MARCHF1: variants seen among roughly 807,000 people sequenced by gnomAD.
The protein encoded by MARCHF1 is E3 ubiquitin-protein ligase MARCHF1.
In MARCHF1, 40 loss-of-function variants were observed where a neutral mutation model predicts 54.2. The observed-to-expected ratio is 0.74, with a 90% CI of 0.57 to 0.96. The LOEUF is 0.96. Among genes scored for constraint, MARCHF1 ranks in the 40% least tolerant of loss-of-function variants. The pLI, the probability that MARCHF1 is intolerant of heterozygous loss-of-function variation, is 0.00. For synonymous variants in MARCHF1, 236 were observed against 236.3 expected, an observed-to-expected ratio of 1.00 and a Z score of 0.01; for missense variants, 586 against 656.5, an observed-to-expected ratio of 0.89 and a Z score of 1.17.
At chr4:163,875,600 A>G (rs1750270896) in intron 3 of MARCHF1, among the ~76,000 whole-genome samples, 1 of 152,170 alleles carries the variant, frequency 6.6e-6, no homozygotes, top group Non-Finnish European at 1.5e-5. Context: ...GCTTTGCATA[A>G]AAGGTTGGAA....
chr4:163,724,503 C>T (rs1745589008), intron 4 of MARCHF1, among the ~76,000 whole-genome samples: 1 of 152,198 alleles, frequency 6.6e-6, no homozygotes, highest in African/African-American at 2.4e-5. Context: ...ATCTCAAACT[C>T]CATGCTGGGA....
chr4:163,950,285 AGTG>A (rs1752108170), intron 3 of MARCHF1, among the ~76,000 whole-genome samples: 2 of 152,336 alleles, frequency 1.3e-5, no homozygotes, highest in East Asian at 3.9e-4. Flanking sequence ...TGTGCTTATC[AGTG>A]CCCAAAGTCC....
In MARCHF1 at chr4:164,211,331, G is replaced by GTGTATATATATATATATATA. The variant is rs763172261; in HGVS notation, c.-322-99670_-322-99669insTATATATATATATATATACA. On this transcript the variant is annotated intron_variant, in intron 1 of 9. Transcript: ENST00000514618. ...AACCTGCATATGTGTATGTATGTAT[G>GTGTATATATATATATATATA]TATATATATATATATATATATATAC... is the stretch of plus-strand genomic sequence containing the variant. Among the ~76,000 whole-genome samples, 42 of 115,982 alleles carry GTGTATATATATATATATATA rather than the reference G, an allele frequency of 3.6e-4. No individual in the cohort carries two copies. The East Asian group carries it at 6.9e-3, about 19-fold the overall frequency. The allele number at this position is 115,982 out of a possible 152,430, so 76.1% of individuals were successfully genotyped here. A position where few individuals can be genotyped will look rare whatever the true frequency, so the allele number is the denominator to read the frequency against.
chr4:163,849,160 A>C (rs1476529553), intron 4 of MARCHF1, among the ~76,000 whole-genome samples: 3 of 152,170 alleles, frequency 2.0e-5, no homozygotes. Context: ...ATTGAGACTG[A>C]TTGGACTGTT....
rs1730831378 is a variant in MARCHF1, at chr4:164,181,428, T to C, written c.-322-69766A>G. Among the ~76,000 whole-genome samples the C allele has an allele frequency of 3.3e-5, 5 of 152,170 alleles. No homozygotes were observed. In the South Asian group the frequency reaches 1.0e-3, roughly 31 times the overall value. On this transcript the variant is annotated intron_variant, in intron 1 of 9. Coordinates refer to ENST00000514618, the MANE Select transcript of MARCHF1 (RefSeq NM_001394959.1). ...CTAATTTTTAGCACACACTAAGGCA[T>C]AATAAGTTATATTAACTATGTTCAA...
chr4:164,225,619 A>G (rs998221687), intron 1 of MARCHF1, among the ~76,000 whole-genome samples: 1 of 152,062 alleles, frequency 6.6e-6, no homozygotes, highest in African/African-American at 2.4e-5. Flanking sequence ...AGTTATTCAC[A>G]TTCTTGTACT....
intron 2 of MARCHF1, among the ~76,000 whole-genome samples, chr4:164,004,246 C>CATATATAT (rs70948686): frequency 0.22 from 32,886 of 149,786 alleles, 4,474 homozygotes; most frequent in South Asian, 0.34. Context: ...TGTTTACATA[C>CATATATAT]ATATATATAT....
chr4:163,699,926 T>C (rs1744752802), intron 5 of MARCHF1, among the ~76,000 whole-genome samples: 1 of 151,944 alleles, frequency 6.6e-6, no homozygotes, highest in South Asian at 2.1e-4. Context: ...CACTCTGGGG[T>C]CCTACTTAGA....
At chr4:163,938,247 A>G (rs1455419144) in intron 3 of MARCHF1, among the ~76,000 whole-genome samples, 1 of 152,204 alleles carries the variant, frequency 6.6e-6, no homozygotes, top group Non-Finnish European at 1.5e-5. Flanking sequence ...GGCCACAGAT[A>G]TTTGTGCTAA....
intron 2 of MARCHF1, among the ~76,000 whole-genome samples, chr4:164,040,421 TG>T (rs201553645): frequency 0.084 from 12,381 of 146,978 alleles, 639 homozygotes; most frequent in South Asian, 0.21. Context: ...TATATATCCT[TG>T]TATATATAAA....
chr4:163,988,316 A>G (rs1752908314), intron 3 of MARCHF1, among the ~76,000 whole-genome samples, 185 bp downstream of exon 3: 1 of 152,194 alleles, frequency 6.6e-6, no homozygotes, highest in Non-Finnish European at 1.5e-5. Context: ...CTCTTCATTC[A>G]CAAAATAGAG....
rs1554002572 is a variant in MARCHF1, at chr4:164,340,405, T to TTA, written c.-323+43463_-323+43464dup. Among the ~76,000 whole-genome samples, 235 of 95,640 alleles carry TTA rather than the reference T, an allele frequency of 2.5e-3. 14 individuals carry two copies. Among genetic ancestry groups the TTA allele is most frequent in the African/African-American group, 3.4e-3 (95 of 27,876 alleles). The allele number at this position is 95,640 out of a possible 152,430, so 62.7% of individuals were successfully genotyped here. On this transcript the variant is annotated intron_variant, in intron 1 of 9. Coordinates refer to ENST00000514618, the MANE Select transcript of MARCHF1 (RefSeq NM_001394959.1). Reference sequence around the variant, plus strand: ...ACAGCACATGCCACCAGGCCTTGATTTATATATAGATATATATATATATAT... The same window carrying TTA: ...ACAGCACATGCCACCAGGCCTTGATTTATATATATAGATATATATATATATAT...
chr4:164,193,574 G>T (rs1302769334), intron 1 of MARCHF1, among the ~76,000 whole-genome samples: 1 of 151,944 alleles, frequency 6.6e-6, no homozygotes, highest in Non-Finnish European at 1.5e-5. Context: ...TGAGTAAATG[G>T]AATACATTTC....
chr4:164,338,159 T>C (rs1226917857), intron 1 of MARCHF1, among the ~76,000 whole-genome samples: 2 of 152,190 alleles, frequency 1.3e-5, no homozygotes, highest in Non-Finnish European at 2.9e-5. Flanking sequence ...TCATATGCAA[T>C]TAAAATTCTG....
At chr4:164,368,318 A>C (rs1730938541) in intron 1 of MARCHF1, among the ~76,000 whole-genome samples, 1 of 130,934 alleles carries the variant, frequency 7.6e-6, no homozygotes, top group African/African-American at 2.6e-5. Flanking sequence ...AAAGAAAATA[A>C]TTTTCTAGAA....
chr4:164,370,746 T>C (rs1490340184), intron 1 of MARCHF1, among the ~76,000 whole-genome samples: 1 of 151,976 alleles, frequency 6.6e-6, no homozygotes, highest in Non-Finnish European at 1.5e-5. Flanking sequence ...CGATCTCTAC[T>C]AAAATACAAA....
intron 8 of MARCHF1, among the ~76,000 whole-genome samples, chr4:163,564,987 G>T (rs926429759): frequency 2.0e-5 from 3 of 151,938 alleles, no homozygotes; most frequent in South Asian, 4.2e-4. Flanking sequence ...ACTGGGCCTC[G>T]ACTCTTAAAA....
At chr4:163,950,087 C>A (rs1157325438) in intron 3 of MARCHF1, among the ~76,000 whole-genome samples, 2 of 152,162 alleles carry the variant, frequency 1.3e-5, no homozygotes, top group African/African-American at 4.8e-5. Flanking sequence ...GCCTGGCCCT[C>A]AGGGCACAGG....
At chr4:164,298,786 G>T (rs2111388285) in intron 1 of MARCHF1, among the ~76,000 whole-genome samples, 1 of 152,168 alleles carries the variant, frequency 6.6e-6, no homozygotes, top group East Asian at 1.9e-4. Context: ...TAGAAAGAAG[G>T]TTATATTTTA....
Sources: gnomAD v4.1 joint callset for allele counts (sites outside exome capture counted in the v4.1 genomes callset) on GRCh38, gnomAD v4.1.1 for gene constraint, MANE v1.5 for transcripts, NCBI Gene and HGNC (gene_info 2026-07-23, HGNC 2026-07-21) for gene names.